Variants in TMEM219 observed in about 807,000 individuals in gnomAD.
TMEM219 encodes the protein transmembrane protein 219, also known as insulin-like growth factor-binding protein 3 receptor.
In TMEM219, 18 loss-of-function variants were observed where a neutral mutation model predicts 17.9. The ratio of observed to expected loss-of-function variants is 1.01; its 90% CI spans 0.70 to 1.49. The LOEUF (loss-of-function observed/expected upper bound fraction) is 1.49. Ranked by LOEUF, TMEM219 falls within the 40% of genes most tolerant of loss-of-function variation. The pLI is 0.00. For missense variants in TMEM219, 288 were observed against 292.4 expected (o/e 0.99, Z 0.11); for synonymous variants, 113 against 124.0 (o/e 0.91, Z 0.59).
chr16:29,971,308 C>T, intron 4 of TMEM219, 100 bp from the exon 5 acceptor site: 1 of 1,252,342 alleles, frequency 8.0e-7, no homozygotes, highest in African/African-American at 1.5e-5. Context: ...TTCAGTTGCT[C>T]CCTAGATGTG....
chr16:29,971,619 G>C, intron 5 of TMEM219, 41 bp downstream of exon 5: 1 of 1,481,186 alleles, frequency 6.8e-7, no homozygotes, highest in Non-Finnish European at 9.2e-7. Context: ...CAGGGAATGG[G>C]GTGGGGGTGG....
chr16:29,967,757 C>A (rs1011610788), intron 3 of TMEM219, among the ~76,000 whole-genome samples: 18 of 152,132 alleles, frequency 1.2e-4, no homozygotes, highest in African/African-American at 2.7e-4. Context: ...GAAACCCCGT[C>A]TCTACTAAAA....
chr16:29,963,406 G>A lies in TMEM219; in HGVS notation c.172G>A (p.Val58Ile), dbSNP rs368041333. 75 of 1,614,010 alleles carry A rather than the reference G, an allele frequency of 4.6e-5. No homozygotes were observed. The highest frequency in any genetic ancestry group is 5.9e-5 in the Non-Finnish European group (70 of 1,179,992). Residue 58 changes from valine (V) to isoleucine (I), a missense_variant, in exon 3 of 6, where the codon GTC becomes ATC. Val to Ile is a conservative substitution (Grantham distance 29). Coordinates refer to ENST00000279396, the MANE Select transcript of TMEM219 (RefSeq NM_001083613.2). ...LRSPDIPQDW[V>I]SFLRSFGQLT... is the part of the protein sequence containing the mutation. ...CGTCTTCTTTTGCTCACAGGACTGGGTCTCTTTTTTGAGATCTTTTGGCCA... is the reference window on the plus strand; with the variant it reads ...CGTCTTCTTTTGCTCACAGGACTGGATCTCTTTTTTGAGATCTTTTGGCCA...
rs2150864372 is a variant in TMEM219 at position 29,968,092 on chromosome 16, C to T, written c.423C>T (p.Cys141=). 6.2e-7 allele frequency: 1 copy of T among 1,614,152 alleles called. No individual in the cohort carries two copies. The highest frequency in any genetic ancestry group is 8.5e-7 in the Non-Finnish European group (1 of 1,180,028). ...CCACAGAAAGGACTGCAGGAACCTGCCTATATTTTAGTGCTGTTCCAGGAA... is the reference window on the plus strand; with the variant it reads ...CCACAGAAAGGACTGCAGGAACCTGTCTATATTTTAGTGCTGTTCCAGGAA... The part of the protein sequence containing the change: ...RVTTERTAGT[C]LYFSAVPGIL... The change falls in exon 4 of 6, where the codon TGC becomes TGT. Residue 141 remains cysteine, a synonymous_variant. Transcript: ENST00000279396.
Position 29,971,504 on chromosome 16 carries a change from C to CACCCGCGCCGGGA in TMEM219, c.683_695dup (p.Ser233ProfsTer9). On this transcript the variant is annotated frameshift_variant, in exon 5 of 6. Coordinates refer to ENST00000279396, the MANE Select transcript of TMEM219 (RefSeq NM_001083613.2). LOFTEE classifies it high-confidence loss of function. Reference sequence around the variant, plus strand: ...CTGCTGTGTCACTGCTATGTGCTTCCACCCGCGCCGGGAGTCCCACTGGTC... The same window carrying CACCCGCGCCGGGA: ...CTGCTGTGTCACTGCTATGTGCTTCCACCCGCGCCGGGAACCCGCGCCGGGAGTCCCACTGGTC... The CACCCGCGCCGGGA allele has an allele frequency of 6.8e-6, 11 of 1,614,044 alleles. No individual in the cohort carries two copies. The highest frequency in any genetic ancestry group is 8.5e-6 in the Non-Finnish European group (10 of 1,180,008).
rs756911530 is a variant in TMEM219 at position 29,968,232 on chromosome 16, T to G, written c.563T>G (p.Val188Gly). The G allele has an allele frequency of 6.2e-7, 1 of 1,613,892 alleles. No individual in the cohort carries two copies. The highest frequency in any genetic ancestry group is 8.5e-7 in the Non-Finnish European group (1 of 1,179,800). Residue 188 changes from valine (V) to glycine (G), a missense_variant, in exon 4 of 6, where the codon GTG (valine) becomes GGG (glycine). Coordinates refer to ENST00000279396, the MANE Select transcript of TMEM219 (RefSeq NM_001083613.2). ...AGTGTCTGGAGCCATGAAGGCCTTG[T>G]GCTGACCAAGCTGCTCACCTCGGTA... The part of the protein sequence containing the change: ...CVSVWSHEGL[V>G]LTKLLTSEEL...
intron 3 of TMEM219, among the ~76,000 whole-genome samples, chr16:29,965,746 C>T (rs1268104250): frequency 4.0e-5 from 6 of 151,728 alleles, no homozygotes; most frequent in East Asian, 1.9e-4. Context: ...ACCTAATTCC[C>T]GCCCCCCAGC....
chr16:29,963,333 C>A (rs1238207498), intron 2 of TMEM219, 25 bp downstream of exon 2: 1 of 1,613,962 alleles, frequency 6.2e-7, no homozygotes, highest in Non-Finnish European at 8.5e-7. Context: ...CCCGTACCCG[C>A]TCTTCCTTCC....
chr16:29,968,411 C>T, intron 4 of TMEM219, 157 bp downstream of exon 4: 1 of 596,958 alleles, frequency 1.7e-6, no homozygotes, highest in Non-Finnish European at 3.0e-6. Context: ...CTAAACATCT[C>T]TGAGTGTCAG....
chr16:29,971,301 A>C (rs2069283751), intron 4 of TMEM219, 107 bp from the exon 5 acceptor site: 3 of 1,080,472 alleles, frequency 2.8e-6, no homozygotes, highest in Admixed American at 2.5e-5. Flanking sequence ...TTTTCCCTTC[A>C]GTTGCTCCCT....
intron 4 of TMEM219, chr16:29,968,496 G>A (rs1424799935): frequency 5.4e-5 from 25 of 460,416 alleles, no homozygotes; most frequent in Non-Finnish European, 7.8e-5. Context: ...GAGAATGACC[G>A]TGAAGTGCCC....
Position 29,963,544 on chromosome 16 carries a change from C to G in TMEM219, c.310C>G (p.Arg104Gly), listed in dbSNP as rs771268228. Residue 104 changes from arginine to glycine, a missense_variant, in exon 3 of 6, where the codon CGG becomes GGG. Physicochemically the swap from Arg to Gly is moderately radical, Grantham distance 125. Coordinates refer to ENST00000279396, the MANE Select transcript of TMEM219 (RefSeq NM_001083613.2). The stretch of plus-strand genomic sequence containing the variant: ...AGACGGTCCAGACAGGAACAAGACC[C>G]GGACATTCCAGGCCACAGTCCTGGG... ...FGDGPDRNKT[R>G]TFQATVLGSQ... 1 of 1,613,912 alleles carries G rather than the reference C, an allele frequency of 6.2e-7. No individual in the cohort carries two copies. Among genetic ancestry groups the G allele is most frequent in the Non-Finnish European group, 8.5e-7 (1 of 1,180,014 alleles).
chr16:29,970,105 G>T (rs1174847341), intron 4 of TMEM219, among the ~76,000 whole-genome samples: 1 of 151,260 alleles, frequency 6.6e-6, no homozygotes, highest in Non-Finnish European at 1.5e-5. Flanking sequence ...GTTGTGGCGG[G>T]CGTCTGTGAT....
chr16:29,972,615 G>A (rs2069315135), intron 5 of TMEM219, among the ~76,000 whole-genome samples: 2 of 152,366 alleles, frequency 1.3e-5, no homozygotes, highest in Middle Eastern at 6.8e-3. Flanking sequence ...TATGGGAAAA[G>A]TGGAAATAGT....
Position 29,971,541 on chromosome 16 carries a change from T to C in TMEM219, c.719T>C (p.Leu240Pro), listed in dbSNP as rs1199149812. 37 of 1,613,114 alleles carry C rather than the reference T, an allele frequency of 2.3e-5. No individual in the cohort carries two copies. The highest frequency in any genetic ancestry group is 1.6e-4 in the Middle Eastern group (1 of 6,084). Reference protein sequence around the residue: ...RRESHWSRTRL With the variant: ...RRESHWSRTRP ...GAGTCCCACTGGTCTAGAACCCGGC[T>C]CTGAGGGCACTGGCCTAGTTCCCGA... Residue 240 changes from leucine to proline, a missense_variant, in exon 5 of 6, where the codon CTC becomes CCC. By Grantham distance (98) the Leu-to-Pro change is moderately conservative. Coordinates refer to ENST00000279396, the MANE Select transcript of TMEM219 (RefSeq NM_001083613.2).
chr16:29,972,586 C>T (rs1464196221), intron 5 of TMEM219, among the ~76,000 whole-genome samples: 1 of 152,210 alleles, frequency 6.6e-6, no homozygotes, highest in East Asian at 1.9e-4. Context: ...CAGCTGGCTG[C>T]AGTGCCCTAG....
chr16:29,964,667 C>G (rs1424867231), intron 3 of TMEM219, among the ~76,000 whole-genome samples: 1 of 151,846 alleles, frequency 6.6e-6, no homozygotes, highest in Admixed American at 6.6e-5. Context: ...GCCCCGCGCC[C>G]CCCCCACCAC....
Position 29,968,103 on chromosome 16 carries a change from G to A in TMEM219, c.434G>A (p.Ser145Asn), listed in dbSNP as rs747487172. The A allele has an allele frequency of 4.0e-5, 65 of 1,614,114 alleles. No homozygotes were observed. The highest frequency in any genetic ancestry group is 5.3e-5 in the Non-Finnish European group (62 of 1,180,032). ...ERTAGTCLYF[S>N]AVPGILPSSQ... ...ACTGCAGGAACCTGCCTATATTTTAGTGCTGTTCCAGGAATCCTACCCTCC... is the reference window on the plus strand; with the variant it reads ...ACTGCAGGAACCTGCCTATATTTTAATGCTGTTCCAGGAATCCTACCCTCC... The change falls in exon 4 of 6, where the codon AGT becomes AAT. Residue 145 changes from serine to asparagine, a missense_variant. By Grantham distance (46) the Ser-to-Asn change is conservative. Coordinates refer to ENST00000279396, the MANE Select transcript of TMEM219 (RefSeq NM_001083613.2).
intron 4 of TMEM219, 53 bp from the exon 5 acceptor site, chr16:29,971,355 C>G: frequency 6.2e-7 from 1 of 1,611,086 alleles, no homozygotes; most frequent in Non-Finnish European, 8.5e-7. Context: ...CTTCTATAGC[C>G]CTTGGACTGG....
Sources: gnomAD v4.1 joint callset for allele counts (sites outside exome capture counted in the v4.1 genomes callset) on GRCh38, gnomAD v4.1.1 for gene constraint, MANE v1.5 for transcripts, NCBI Gene and HGNC (gene_info 2026-07-23, HGNC 2026-07-21) for gene names.